Variants in PDE4B observed in about 807,000 individuals in gnomAD.
PDE4B encodes 3',5'-cyclic-AMP phosphodiesterase 4B.
Under a neutral mutation model 82.2 loss-of-function variants are expected in PDE4B, and 20 were observed. The observed-to-expected ratio is 0.24, with a 90% CI of 0.17 to 0.35. PDE4B has a LOEUF of 0.35. PDE4B is among the 10% of genes least tolerant of loss of function. The probability of loss-of-function intolerance (pLI) is 1.00; values close to 1 mark genes in which losing one functional copy is unlikely to be tolerated. For synonymous variants in PDE4B, 320 were observed against 318.9 expected, an observed-to-expected ratio of 1.00 and a Z score of -0.04; for missense variants, 655 against 907.2, an observed-to-expected ratio of 0.72 and a Z score of 3.57.
At chr1:66,211,460 C>T (rs1454163556) in intron 3 of PDE4B, among the ~76,000 whole-genome samples, 1 of 152,172 alleles carries the variant, frequency 6.6e-6, no homozygotes, top group East Asian at 1.9e-4. Context: ...AGGACCTGCA[C>T]TCAAATACTC....
chr1:66,228,642 AAC>A (rs1396123941), intron 3 of PDE4B, among the ~76,000 whole-genome samples: 2,730 of 148,608 alleles, frequency 0.018, 30 homozygotes, highest in Middle Eastern at 0.055. Flanking sequence ...AAAAAAAAAA[AAC>A]ATGCTATAGT....
chr1:65,847,037 A>T (rs559745563), intron 1 of PDE4B, among the ~76,000 whole-genome samples: 10 of 152,312 alleles, frequency 6.6e-5, no homozygotes, highest in Admixed American at 6.5e-4. Context: ...TTGTAGATTT[A>T]AAAAAACCTG....
At chr1:65,907,835 T>A (rs1647044479) in intron 1 of PDE4B, among the ~76,000 whole-genome samples, 1 of 152,146 alleles carries the variant, frequency 6.6e-6, no homozygotes, top group Admixed American at 6.6e-5. Context: ...TAAAAGGAGA[T>A]GAGTAGGACT....
At chr1:65,938,042 G>A (rs1648250852) in intron 3 of PDE4B, among the ~76,000 whole-genome samples, 1 of 152,042 alleles carries the variant, frequency 6.6e-6, no homozygotes, top group Non-Finnish European at 1.5e-5. Flanking sequence ...TGTAATAATT[G>A]GTGTGAATAG....
chr1:65,964,454 G>C (rs867273863), intron 3 of PDE4B, among the ~76,000 whole-genome samples: 1 of 152,080 alleles, frequency 6.6e-6, no homozygotes, highest in African/African-American at 2.4e-5. Context: ...GGTATTTTTG[G>C]TTATGGCAAG....
At chr1:66,263,536 C>T (rs1654832370) in intron 6 of PDE4B, among the ~76,000 whole-genome samples, 1 of 152,134 alleles carries the variant, frequency 6.6e-6, no homozygotes, top group South Asian at 2.1e-4. Flanking sequence ...TTTGGAGTTC[C>T]TACTATTTGC....
intron 3 of PDE4B, among the ~76,000 whole-genome samples, chr1:66,025,779 A>G (rs941507365): frequency 6.6e-5 from 10 of 152,200 alleles, no homozygotes; most frequent in African/African-American, 2.4e-4. Flanking sequence ...AATATCCAGC[A>G]AGCAAATTAT....
chr1:66,196,276 T>C (rs148771807), intron 3 of PDE4B, among the ~76,000 whole-genome samples: 2 of 152,314 alleles, frequency 1.3e-5, no homozygotes, highest in East Asian at 3.9e-4. Flanking sequence ...CCTGGACAAG[T>C]CACTTTTCTT....
At chr1:66,345,315 A>G (rs1462321856) in intron 8 of PDE4B, among the ~76,000 whole-genome samples, 1 of 152,254 alleles carries the variant, frequency 6.6e-6, no homozygotes, top group Non-Finnish European at 1.5e-5. Flanking sequence ...TTAACAAAAC[A>G]TATCATCACA....
rs1378785926 is a variant in PDE4B at position 66,194,109 on chromosome 1, CA to C, written c.282-53350del. Among the ~76,000 whole-genome samples the C allele has an allele frequency of 3.3e-5, 5 of 151,950 alleles. No homozygotes were observed. The South Asian group carries it at 6.3e-4, about 19-fold the overall frequency. On this transcript the variant is annotated intron_variant, in intron 3 of 16. Transcript: ENST00000341517. Reference sequence around the variant, plus strand: ...TTCTTCTGTTCTTAGATGTAGAAAACAGCTCACATAATGACTCCTTTTGCAC... The same window carrying C: ...TTCTTCTGTTCTTAGATGTAGAAAACGCTCACATAATGACTCCTTTTGCAC...
chr1:66,146,276 C>T (rs1327457325), intron 3 of PDE4B, among the ~76,000 whole-genome samples: 1 of 150,024 alleles, frequency 6.7e-6, no homozygotes, highest in East Asian at 2.0e-4. Context: ...CTCCGCCTCC[C>T]AGGTTCACGC....
chr1:66,235,248 T>C (rs1279505192), intron 3 of PDE4B, among the ~76,000 whole-genome samples: 1 of 152,242 alleles, frequency 6.6e-6, no homozygotes, highest in East Asian at 1.9e-4. Context: ...TTGATGATGT[T>C]GTTCAAGTCT....
chr1:65,937,628 G>T (rs923900473), intron 3 of PDE4B, among the ~76,000 whole-genome samples: 1 of 152,168 alleles, frequency 6.6e-6, no homozygotes, highest in African/African-American at 2.4e-5. Flanking sequence ...AACTGAATTT[G>T]TGATTCGTGC....
rs1649420953 is a variant in PDE4B, at chr1:65,959,155, A to G, written c.281+40320A>G. Among the ~76,000 whole-genome samples, 2 of 152,164 alleles carry G rather than the reference A, an allele frequency of 1.3e-5. 1 individual carries two copies. Among genetic ancestry groups the G allele is most frequent in the East Asian group, 3.8e-4 (2 of 5,196 alleles). ...TCATTTGAGGATTGCATAAATGTGGACCTTGTCTATTTTTCACTTACATGA... is the reference window on the plus strand; with the variant it reads ...TCATTTGAGGATTGCATAAATGTGGGCCTTGTCTATTTTTCACTTACATGA... On this transcript the variant is annotated intron_variant, in intron 3 of 16. Transcript: ENST00000341517.
chr1:65,976,167 G>A (rs569293585), intron 3 of PDE4B, among the ~76,000 whole-genome samples: 164 of 152,312 alleles, frequency 1.1e-3, no homozygotes, highest in Non-Finnish European at 2.1e-3. Context: ...GCTGCCCAAG[G>A]CCTTGGGAGC....
intron 7 of PDE4B, among the ~76,000 whole-genome samples, chr1:66,293,104 C>T (rs939739997): frequency 6.6e-6 from 1 of 152,128 alleles, no homozygotes; most frequent in African/African-American, 2.4e-5. Context: ...CAAGTTTATT[C>T]ATGGACACAC....
chr1:65,979,835 T>TA (rs1650595172), intron 3 of PDE4B, among the ~76,000 whole-genome samples: 1 of 152,182 alleles, frequency 6.6e-6, no homozygotes, highest in African/African-American at 2.4e-5. Flanking sequence ...AGGTCTCTGT[T>TA]GTTTCAGGGC....
chr1:66,131,607 A>G (rs1399856283), intron 3 of PDE4B, among the ~76,000 whole-genome samples: 1 of 84,860 alleles, frequency 1.2e-5, no homozygotes, highest in Admixed American at 1.3e-4. Flanking sequence ...ATATATATAT[A>G]TATATATATA....
chr1:66,002,929 T>C (rs1490793319), intron 3 of PDE4B, among the ~76,000 whole-genome samples: 1 of 152,204 alleles, frequency 6.6e-6, no homozygotes, highest in Non-Finnish European at 1.5e-5. Context: ...AGATAATGTA[T>C]TAAAGTACTT....
Sources: allele counts gnomAD v4.1 joint callset (sites outside exome capture counted in the v4.1 genomes callset), GRCh38; gene constraint gnomAD v4.1.1; transcripts MANE v1.5; gene names NCBI Gene and HGNC (gene_info 2026-07-23, HGNC 2026-07-21).